Variants in NPHP4 observed in about 807,000 individuals in gnomAD.
The protein encoded by NPHP4 is nephrocystin-4.
NPHP4 carries 151 observed loss-of-function variants against 155.8 expected under a neutral mutation model. That is an observed-to-expected ratio of 0.97 (90% CI 0.85 to 1.11). NPHP4 has a LOEUF of 1.11. Ranked by LOEUF, NPHP4 falls within the 50% of genes least tolerant of loss-of-function variation. The pLI, the probability that NPHP4 is intolerant of heterozygous loss-of-function variation, is 0.00. For missense variants in NPHP4, 1,956 were observed against 1,925.7 expected (o/e 1.02, Z -0.29); for synonymous variants, 845 against 816.8 (o/e 1.03, Z -0.59).
rs1185804603 is a variant in NPHP4 at position 5,879,775 on chromosome 1, GCGCA to G, written c.2611+335_2611+338del. 4.7e-4 allele frequency: 154 copies of G among 328,276 alleles called. 9 individuals carry two copies. Among genetic ancestry groups the G allele is most frequent in the South Asian group, 2.6e-3 (110 of 41,624 alleles). 20.3% of individuals were successfully genotyped at this position (328,276 alleles called of 1,614,324 possible). ...GGGCATTAACAGCACCACGAATGGT[GCGCA>G]CACACACACACACACGCAAACACAC... is the stretch of plus-strand genomic sequence containing the variant. On this transcript the variant is annotated intron_variant, in intron 19 of 29. Transcript: ENST00000378156.
intron 3 of NPHP4, among the ~76,000 whole-genome samples, chr1:5,973,857 G>A (rs576990559): frequency 1.4e-3 from 217 of 152,340 alleles, no homozygotes; most frequent in Middle Eastern, 3.4e-3. Flanking sequence ...CACAGGGCCC[G>A]AGTTGGCCTC....
At chr1:5,922,300 T>C (rs1056115936) in intron 11 of NPHP4, among the ~76,000 whole-genome samples, 1 of 152,256 alleles carries the variant, frequency 6.6e-6, no homozygotes, top group African/African-American at 2.4e-5. Context: ...TCCAGAATTT[T>C]AGGATAATAA....
rs771576802 is a variant in NPHP4, at chr1:5,969,200, G to A, written c.339C>T (p.Val113=). ...TCCCATCCCGTTTCTTGCCCTCAGC[G>A]ACCACTTCCACCACAGCCACGATAT... ...HPHIVAVVEV[V]AEGKKRDGSL... is the part of the protein sequence containing the mutation. The change falls in exon 4 of 30, where the codon GTC becomes GTT. Residue 113 remains valine (V), a synonymous_variant. Coordinates refer to ENST00000378156, the MANE Select transcript of NPHP4 (RefSeq NM_015102.5). 16 of 1,582,342 alleles carry A rather than the reference G, an allele frequency of 1.0e-5. No homozygotes were observed. The highest frequency in any genetic ancestry group is 3.6e-5 in the Admixed American group (2 of 55,838).
chr1:5,893,821 G>A (rs537245673), intron 16 of NPHP4, among the ~76,000 whole-genome samples: 5 of 152,268 alleles, frequency 3.3e-5, no homozygotes, highest in Admixed American at 6.5e-5. Context: ...GCCTGGCAAC[G>A]GGCGTCTTCC....
intron 16 of NPHP4, among the ~76,000 whole-genome samples, chr1:5,900,770 C>T (rs12121368): frequency 0.13 from 19,463 of 152,172 alleles, 1,406 homozygotes; most frequent in Non-Finnish European, 0.16. Context: ...GTGGCTCACG[C>T]CTGTCATCTC....
At position 5,941,673 on chromosome 1, in the gene NPHP4, A is replaced by C. The variant is rs1013524670; in HGVS notation, c.1119+5431T>G. On this transcript the variant is annotated intron_variant, in intron 9 of 29. Coordinates refer to ENST00000378156, the MANE Select transcript of NPHP4 (RefSeq NM_015102.5). ...TTCTGAAGCCAGAAAGTACTCAAAC[A>C]CAAAACAGGACGAAGGATGCCATAG... Among the ~76,000 whole-genome samples the C allele has an allele frequency of 8.5e-4, 130 of 152,252 alleles. 3 individuals are homozygous for C. Among genetic ancestry groups the C allele is most frequent in the Non-Finnish European group, 1.3e-4 (9 of 68,048 alleles).
chr1:5,908,560 C>T (rs997675968), intron 12 of NPHP4, among the ~76,000 whole-genome samples: 1 of 152,168 alleles, frequency 6.6e-6, no homozygotes, highest in Non-Finnish European at 1.5e-5. Context: ...GACTCCAGAA[C>T]GGCAGCCAAG....
At chr1:5,979,500 C>T (rs966592259) in intron 2 of NPHP4, among the ~76,000 whole-genome samples, 1 of 152,072 alleles carries the variant, frequency 6.6e-6, no homozygotes, top group Non-Finnish European at 1.5e-5. Context: ...CAGGAGCCAG[C>T]GAGAAGTGCA....
chr1:5,902,137 C>T (rs1437606203), intron 16 of NPHP4, among the ~76,000 whole-genome samples: 1 of 152,244 alleles, frequency 6.6e-6, no homozygotes, highest in Non-Finnish European at 1.5e-5. Context: ...GCAAGAGCAG[C>T]TCAACTGACT....
rs1416325257 is a variant in NPHP4 at position 5,907,159 on chromosome 1, T to C, written c.1567A>G (p.Thr523Ala). 1.3e-6 allele frequency: 2 copies of C among 1,586,870 alleles called. No individual in the cohort carries two copies. Among genetic ancestry groups the C allele is most frequent in the Non-Finnish European group, 1.7e-6 (2 of 1,165,968 alleles). The change falls in exon 13 of 30, where the codon ACT becomes GCT. Residue 523 changes from threonine to alanine, a missense_variant. Thr to Ala is a moderately conservative substitution (Grantham distance 58). Transcript: ENST00000378156. ...SPTQHCLARP[T>A]SQLPHGSQAS... ...TGAGAGCCATGGGGTAGCTGTGAAGTAGGCCTGGCCAAGCAGTGCTGAGTC... is the reference window on the plus strand; with the variant it reads ...TGAGAGCCATGGGGTAGCTGTGAAGCAGGCCTGGCCAAGCAGTGCTGAGTC...
Position 5,890,558 on chromosome 1 carries a change from C to G in NPHP4, c.2304+310G>C, listed in dbSNP as rs1283580556. Among the ~76,000 whole-genome samples, 1 of 152,300 alleles carries G rather than the reference C, an allele frequency of 6.6e-6. No individual in the cohort carries two copies. ...ACCTCGGATGCACCTGCCCTCACCA[C>G]ATTCACCACATGGGAGGAGATGAAG... On this transcript the variant is annotated intron_variant, in intron 17 of 29. Coordinates refer to ENST00000378156, the MANE Select transcript of NPHP4 (RefSeq NM_015102.5). The surrounding 1 kb of genome is among the most constrained non-coding windows in gnomAD (Gnocchi z 4.9).
chr1:5,865,422 G>T, intron 26 of NPHP4, 149 bp from the exon 27 acceptor site: 2 of 668,846 alleles, frequency 3.0e-6, no homozygotes. Flanking sequence ...CAGAGCTGGG[G>T]CCACGCAGGG....
chr1:5,874,571 C>T lies in NPHP4; in HGVS notation c.3131G>A (p.Arg1044His), dbSNP rs375819124. 2.1e-4 allele frequency: 340 copies of T among 1,608,690 alleles called. 2 individuals carry two copies. Among genetic ancestry groups the T allele is most frequent in the Middle Eastern group, 1.2e-3 (7 of 6,036 alleles). The change falls in exon 22 of 30, where the codon CGT (arginine) becomes CAT (histidine). Residue 1044 changes from arginine to histidine, a missense_variant. Physicochemically the swap from Arg to His is conservative, Grantham distance 29. Transcript: ENST00000378156. ...GTAGAGCTGGGGGGCCAGGCTGCCA[C>T]GCAGGTGGAACATGTCCTCCTCCAC... ...TPVEEDMFHLRGSLAPQLYLR... is the reference protein window; with the variant it reads ...TPVEEDMFHLHGSLAPQLYLR...
chr1:5,913,491 T>C (rs752784575), intron 11 of NPHP4, among the ~76,000 whole-genome samples: 2 of 152,236 alleles, frequency 1.3e-5, no homozygotes, highest in Non-Finnish European at 2.9e-5. Context: ...AAATCTCAAA[T>C]GTCTACTTTT....
chr1:5,962,980 T>C (rs1028187730), intron 5 of NPHP4, among the ~76,000 whole-genome samples: 7 of 152,176 alleles, frequency 4.6e-5, no homozygotes, highest in Non-Finnish European at 8.8e-5. Context: ...GGCATGCACG[T>C]GGTCTCAGGC....
chr1:5,872,598 T>C (rs1474091996), intron 23 of NPHP4, among the ~76,000 whole-genome samples: 1 of 152,142 alleles, frequency 6.6e-6, no homozygotes, highest in African/African-American at 2.4e-5. Context: ...GCAACCACAG[T>C]GAGACCCGGG....
chr1:5,866,375 G>A lies in NPHP4; in HGVS notation c.3642C>T (p.Tyr1214=). Reference sequence around the variant, plus strand: ...GTCCCCAAAGCCTGTGCACTTACGAGTAAATGATGACAAAGAAGTCTTTGA... The same window carrying A: ...GTCCCCAAAGCCTGTGCACTTACGAATAAATGATGACAAAGAAGTCTTTGA... ...PEIKDFFVII[Y]SDRWLATPTQ... Residue 1214 remains tyrosine, a splice_region_variant and synonymous_variant, in exon 26 of 30, where the codon TAC becomes TAT. Transcript: ENST00000378156. The A allele has an allele frequency of 1.2e-6, 2 of 1,600,030 alleles. No individual in the cohort carries two copies. Among genetic ancestry groups the A allele is most frequent in the Non-Finnish European group, 1.7e-6 (2 of 1,169,814 alleles).
intron 16 of NPHP4, among the ~76,000 whole-genome samples, chr1:5,897,282 G>A (rs12139627): frequency 0.12 from 17,954 of 152,202 alleles, 1,362 homozygotes; most frequent in Non-Finnish European, 0.17. Flanking sequence ...CTGGGGACCA[G>A]ATATTTGCAT....
intron 18 of NPHP4, 172 bp downstream of exon 18, chr1:5,887,114 G>C: frequency 1.6e-6 from 1 of 637,820 alleles, no homozygotes; most frequent in South Asian, 2.0e-5. Context: ...CTGGGTCCAG[G>C]ACAGACTCAG....
Sources: allele counts gnomAD v4.1 joint callset (sites outside exome capture counted in the v4.1 genomes callset), GRCh38; gene constraint gnomAD v4.1.1; non-coding constraint Gnocchi (gnomAD v3.1); transcripts MANE v1.5; gene names NCBI Gene and HGNC (gene_info 2026-07-23, HGNC 2026-07-21).